The following TRABD2B variants were observed in gnomAD, a reference collection of about 807,000 sequenced individuals.
TRABD2B encodes the protein TraB domain containing 2B.
In TRABD2B, 14 loss-of-function variants were observed where a neutral mutation model predicts 40.1. The observed-to-expected ratio is 0.35, with a 90% CI of 0.23 to 0.55. The LOEUF (loss-of-function observed/expected upper bound fraction) is 0.55, where lower values mean the gene tolerates loss of function less well. TRABD2B is among the 20% of genes least tolerant of loss of function. The probability of loss-of-function intolerance (pLI) is 0.90; values close to 1 mark genes in which losing one functional copy is unlikely to be tolerated. For missense variants in TRABD2B, 541 were observed against 648.6 expected (o/e 0.83, Z 1.80); for synonymous variants, 263 against 277.0 (o/e 0.95, Z 0.50).
At chr1:47,786,720 T>G (rs930858316) in intron 4 of TRABD2B, among the ~76,000 whole-genome samples, 1 of 152,158 alleles carries the variant, frequency 6.6e-6, no homozygotes, top group African/African-American at 2.4e-5. Context: ...GTTTTGTTTT[T>G]TTTTAGAGAT....
chr1:47,950,846 A>G (rs1340153687), intron 2 of TRABD2B, among the ~76,000 whole-genome samples: 1 of 152,124 alleles, frequency 6.6e-6, no homozygotes, highest in Admixed American at 6.5e-5. Flanking sequence ...TTTATTTTTT[A>G]TCTGCAAAAA....
chr1:47,929,714 T>C (rs1480639788), intron 2 of TRABD2B, among the ~76,000 whole-genome samples: 1 of 152,148 alleles, frequency 6.6e-6, no homozygotes, highest in African/African-American at 2.4e-5. Flanking sequence ...GAGTGGGTGC[T>C]CATGCGCATT....
At chr1:47,861,560 A>G (rs893436763) in intron 2 of TRABD2B, among the ~76,000 whole-genome samples, 2 of 152,220 alleles carry the variant, frequency 1.3e-5, no homozygotes, top group African/African-American at 4.8e-5. Flanking sequence ...GCCAAAACTC[A>G]CACAAGAAGA....
chr1:47,770,789 T>C (rs912911817), intron 6 of TRABD2B, among the ~76,000 whole-genome samples: 1 of 152,206 alleles, frequency 6.6e-6, no homozygotes, highest in African/African-American at 2.4e-5. Flanking sequence ...AACCAATGCC[T>C]CATTTAAGGG....
chr1:47,879,498 C>T (rs1644271917), intron 2 of TRABD2B, among the ~76,000 whole-genome samples: 1 of 152,162 alleles, frequency 6.6e-6, no homozygotes, highest in Non-Finnish European at 1.5e-5. Context: ...CTACACCACA[C>T]CTTCTAGGTT....
intron 2 of TRABD2B, among the ~76,000 whole-genome samples, chr1:47,852,600 ACT>A (rs1395403551): frequency 1.3e-5 from 2 of 151,996 alleles, no homozygotes; most frequent in African/African-American, 4.8e-5. Flanking sequence ...GGACCAGCAG[ACT>A]CTCAAAGCAC....
intron 2 of TRABD2B, among the ~76,000 whole-genome samples, chr1:47,905,084 A>G (rs1349842317): frequency 6.6e-6 from 1 of 152,096 alleles, no homozygotes. Flanking sequence ...AGGAGAGGAG[A>G]CAGGGAACAA....
intron 2 of TRABD2B, among the ~76,000 whole-genome samples, chr1:47,959,631 G>C (rs945096076): frequency 6.6e-6 from 1 of 152,074 alleles, no homozygotes; most frequent in Non-Finnish European, 1.5e-5. Context: ...ATAAATTCCT[G>C]GACACATACA....
chr1:47,965,220 G>GGGC (rs1645583554), intron 2 of TRABD2B, among the ~76,000 whole-genome samples: 1 of 111,564 alleles, frequency 9.0e-6, no homozygotes, highest in Non-Finnish European at 1.9e-5. Flanking sequence ...GTGGAGGGGG[G>GGGC]GGTGGGGGGG....
At chr1:47,854,039 C>T (rs2124530730) in intron 2 of TRABD2B, among the ~76,000 whole-genome samples, 1 of 152,314 alleles carries the variant, frequency 6.6e-6, no homozygotes, top group South Asian at 2.1e-4. Flanking sequence ...GGCCTATCTC[C>T]CACAATTCAT....
chr1:47,840,207 C>T (rs868744603), intron 2 of TRABD2B, among the ~76,000 whole-genome samples: 1 of 152,162 alleles, frequency 6.6e-6, no homozygotes, highest in African/African-American at 2.4e-5. Context: ...CACGCTCACT[C>T]CAGGGCCGTC....
intron 2 of TRABD2B, among the ~76,000 whole-genome samples, chr1:47,832,812 C>T (rs1306619217): frequency 1.3e-5 from 2 of 151,996 alleles, no homozygotes; most frequent in East Asian, 3.9e-4. Context: ...CTATTTGGGG[C>T]TCTCAGAGTG....
chr1:47,859,379 T>C (rs924868921), intron 2 of TRABD2B, among the ~76,000 whole-genome samples: 3 of 152,176 alleles, frequency 2.0e-5, no homozygotes, highest in Non-Finnish European at 4.4e-5. Flanking sequence ...GAGCTCCAGT[T>C]GGACCCCAGC....
At chr1:47,940,247 T>A (rs1645168176) in intron 2 of TRABD2B, among the ~76,000 whole-genome samples, 1 of 152,168 alleles carries the variant, frequency 6.6e-6, no homozygotes, top group African/African-American at 2.4e-5. Flanking sequence ...GGATAATGCT[T>A]CCAGCACCCA....
chr1:47,976,889 C>T (rs1645763268), intron 2 of TRABD2B, among the ~76,000 whole-genome samples: 1 of 152,048 alleles, frequency 6.6e-6, no homozygotes, highest in African/African-American at 2.4e-5. Context: ...AAATAATACC[C>T]TTTACCCAGT....
chr1:47,783,416 T>C (rs1644552984), intron 4 of TRABD2B, among the ~76,000 whole-genome samples: 1 of 151,990 alleles, frequency 6.6e-6, no homozygotes. Context: ...ACTGAGGACA[T>C]CAGGGAAGGC....
At chr1:47,781,393 C>T (rs956522711) in intron 4 of TRABD2B, among the ~76,000 whole-genome samples, 1 of 152,166 alleles carries the variant, frequency 6.6e-6, no homozygotes, top group Admixed American at 6.5e-5. Flanking sequence ...CCAAGAGGAG[C>T]GTTTCTGGGA....
At position 47,782,124 on chromosome 1, in the gene TRABD2B, C is replaced by T. The variant is rs187144411; in HGVS notation, c.989-3580G>A. The stretch of plus-strand genomic sequence containing the variant: ...CTTTTGCCCAGATGCATTTGTCCAG[C>T]GACCTACTGGGCATCTCCACCTAAA... On this transcript the variant is annotated intron_variant, in intron 4 of 6. Transcript: ENST00000606738. Among the ~76,000 whole-genome samples the T allele has an allele frequency of 4.6e-5, 7 of 152,226 alleles. No homozygotes were observed. The East Asian group carries it at 1.2e-3, about 25-fold the overall frequency.
Position 47,763,537 on chromosome 1 carries a change from G to A in TRABD2B, c.*2365C>T, listed in dbSNP as rs1326116458. The A allele has an allele frequency of 3.3e-5, 5 of 152,206 alleles. No individual in the cohort carries two copies. The highest frequency in any genetic ancestry group is 5.9e-5 in the Non-Finnish European group (4 of 68,040). 9.4% of individuals were successfully genotyped at this position (152,206 alleles called of 1,614,324 possible). ...TGATAATGAGTTCCTCTGGGCCAAG[G>A]AGAGTGGTTAGATTCAGCTCTAATA... On this transcript the variant is annotated 3_prime_UTR_variant, in exon 7 of 7. Coordinates refer to ENST00000606738, the MANE Select transcript of TRABD2B (RefSeq NM_001194986.2).
Sources: gnomAD v4.1 joint callset for allele counts (sites outside exome capture counted in the v4.1 genomes callset) on GRCh38, gnomAD v4.1.1 for gene constraint, MANE v1.5 for transcripts, NCBI Gene and HGNC (gene_info 2026-07-23, HGNC 2026-07-21) for gene names.